The following NPSR1 variants were observed in gnomAD, a reference collection of about 807,000 sequenced individuals.
NPSR1 encodes neuropeptide S receptor 1.
Under a neutral mutation model 46.9 loss-of-function variants are expected in NPSR1, and 48 were observed. The observed-to-expected ratio is 1.02, with a 90% CI of 0.81 to 1.30. The LOEUF (loss-of-function observed/expected upper bound fraction) is 1.30, where lower values mean the gene tolerates loss of function less well. NPSR1 is among the 50% of genes most tolerant of loss of function. The pLI is 0.00. For missense variants in NPSR1, 450 were observed against 449.5 expected (o/e 1.00, Z -0.01); for synonymous variants, 176 against 168.1 (o/e 1.05, Z -0.36).
chr7:34,760,714 G>A (rs1786129628), intron 2 of NPSR1, among the ~76,000 whole-genome samples: 1 of 152,100 alleles, frequency 6.6e-6, no homozygotes, highest in Admixed American at 6.6e-5. Flanking sequence ...TAAAACTAAG[G>A]GCAAAACTGA....
chr7:34,666,400 T>A (rs1456865670), intron 1 of NPSR1, among the ~76,000 whole-genome samples: 5 of 152,144 alleles, frequency 3.3e-5, no homozygotes, highest in African/African-American at 1.2e-4. Flanking sequence ...GTAGCACAGT[T>A]TGGGAAGCTT....
intron 6 of NPSR1, among the ~76,000 whole-genome samples, chr7:34,844,215 C>T (rs989193325): frequency 3.3e-5 from 5 of 152,190 alleles, no homozygotes; most frequent in South Asian, 2.1e-4. Flanking sequence ...ACTAATGAGA[C>T]GTGGTTATTG....
chr7:34,855,164 A>G (rs1338179712), intron 8 of NPSR1, among the ~76,000 whole-genome samples: 4 of 152,180 alleles, frequency 2.6e-5, no homozygotes, highest in Non-Finnish European at 5.9e-5. Flanking sequence ...AGAAGGATTA[A>G]AAATCAATAA....
At chr7:34,870,723 A>C (rs1791431235) in intron 8 of NPSR1, among the ~76,000 whole-genome samples, 1 of 151,816 alleles carries the variant, frequency 6.6e-6, no homozygotes, top group African/African-American at 2.4e-5. Context: ...GACCACAATT[A>C]ATAAGCCCCC....
At chr7:34,751,067 CT>C in intron 2 of NPSR1, 1 of 785,322 alleles carries the variant, frequency 1.3e-6, no homozygotes, top group Non-Finnish European at 2.3e-6. Flanking sequence ...TCTCACTCAC[CT>C]GCCCCTTTAC....
chr7:34,698,858 T>G (rs1793675760), intron 2 of NPSR1, among the ~76,000 whole-genome samples: 1 of 152,150 alleles, frequency 6.6e-6, no homozygotes, highest in Admixed American at 6.5e-5. Context: ...TTGTTTTTAT[T>G]AGTATAATTT....
At chr7:34,766,565 T>C (rs1786441502) in intron 2 of NPSR1, among the ~76,000 whole-genome samples, 1 of 151,106 alleles carries the variant, frequency 6.6e-6, no homozygotes, top group Non-Finnish European at 1.5e-5. Context: ...TTCAAAGGCA[T>C]TATGATGAAT....
rs560883832 is a variant in NPSR1 at position 34,799,578 on chromosome 7, C to A, written c.385-12192C>A. On this transcript the variant is annotated intron_variant, in intron 3 of 8. Transcript: ENST00000360581. ...GCTCCTGAAGGAAGCACTAAACATG[C>A]AAAGGAACAACCGGTACCAGCCACT... Among the ~76,000 whole-genome samples, 594 of 149,960 alleles carry A rather than the reference C, an allele frequency of 4.0e-3. 2 individuals carry two copies. Among genetic ancestry groups the A allele is most frequent in the Non-Finnish European group, 7.4e-3 (499 of 67,534 alleles).
intron 6 of NPSR1, among the ~76,000 whole-genome samples, chr7:34,842,832 A>G (rs986692450): frequency 1.3e-5 from 2 of 152,254 alleles, no homozygotes; most frequent in Admixed American, 1.3e-4. Flanking sequence ...TCAGGAGTTC[A>G]GCCCAAGCTC....
At chr7:34,757,953 C>T (rs1300515641) in intron 2 of NPSR1, 1 of 152,716 alleles carries the variant, frequency 6.5e-6, no homozygotes, top group Non-Finnish European at 1.5e-5. Context: ...TTTCATTGCT[C>T]AGAGCCCCTC....
chr7:34,873,724 G>T (rs1562781843), intron 8 of NPSR1, among the ~76,000 whole-genome samples: 1 of 151,710 alleles, frequency 6.6e-6, no homozygotes, highest in East Asian at 1.9e-4. Context: ...AACATTGGGG[G>T]TTACATTTCA....
rs1410804427 is a variant in NPSR1, at chr7:34,684,641, G to A, written c.237G>A (p.Lys79=). 1 of 1,613,598 alleles carries A rather than the reference G, an allele frequency of 6.2e-7. No individual in the cohort carries two copies. Among genetic ancestry groups the A allele is most frequent in the Non-Finnish European group, 8.5e-7 (1 of 1,179,844 alleles). Residue 79 remains lysine (K), a synonymous_variant, in exon 2 of 9, where the codon AAG becomes AAA. Coordinates refer to ENST00000360581, the MANE Select transcript of NPSR1 (RefSeq NM_207172.2). ...TTTTTTCCACATGGAGGAGAAAGAA[G>A]AAGTCAAGAATGACCTTCTTTGTGA... ...VVLFSTWRRK[K]KSRMTFFVTQ...
intron 3 of NPSR1, 80 bp downstream of exon 3, chr7:34,778,645 A>T: frequency 1.1e-6 from 1 of 918,824 alleles, no homozygotes; most frequent in Non-Finnish European, 1.7e-6. Flanking sequence ...AAATCATATA[A>T]AACCTTGCAT....
intron 8 of NPSR1, among the ~76,000 whole-genome samples, chr7:34,867,030 T>G (rs1180017297): frequency 6.6e-6 from 1 of 151,638 alleles, no homozygotes. Flanking sequence ...CCTTCCACTG[T>G]GGGACATTGA....
At chr7:34,738,718 T>TGGTATGTTAGAAAAA (rs1784799993) in intron 2 of NPSR1, among the ~76,000 whole-genome samples, 1 of 152,232 alleles carries the variant, frequency 6.6e-6, no homozygotes, top group African/African-American at 2.4e-5. Context: ...ATTATTCTTT[T>TGGTATGTTAGAAAAA]TCTAACATCT....
chr7:34,658,452 G>T lies in NPSR1; in HGVS notation c.40G>T (p.Gly14Trp), dbSNP rs1385480995. 6.2e-7 allele frequency: 1 copy of T among 1,614,060 alleles called. No homozygotes were observed. The highest frequency in any genetic ancestry group is 1.3e-5 in the African/African-American group (1 of 74,928). ...NFTEGSFDSS[G>W]TGQTLDSSPV... ...CACAGAGGGCAGCTTCGATTCCAGTGGGACCGGGCAGACGCTGGATTCTTC... is the reference window on the plus strand; with the variant it reads ...CACAGAGGGCAGCTTCGATTCCAGTTGGACCGGGCAGACGCTGGATTCTTC... The change falls in exon 1 of 9, where the codon GGG becomes TGG. Residue 14 changes from glycine (G) to tryptophan (W), a missense_variant. By Grantham distance (184) the Gly-to-Trp change is radical (BLOSUM62 -2). Coordinates refer to ENST00000360581, the MANE Select transcript of NPSR1 (RefSeq NM_207172.2).
At chr7:34,846,614 TAAC>T (rs1790749654) in intron 7 of NPSR1, among the ~76,000 whole-genome samples, 1 of 152,042 alleles carries the variant, frequency 6.6e-6, no homozygotes, top group Admixed American at 6.5e-5. Flanking sequence ...CGTGACATAA[TAAC>T]AGCCACAATG....
At chr7:34,827,248 A>G (rs1789900580) in intron 4 of NPSR1, among the ~76,000 whole-genome samples, 153 bp from the exon 5 acceptor site, 1 of 152,198 alleles carries the variant, frequency 6.6e-6, no homozygotes, top group Non-Finnish European at 1.5e-5. Flanking sequence ...GAGATACTGT[A>G]TCCCTGTTTA....
chr7:34,672,706 C>T (rs1792119478), intron 1 of NPSR1, among the ~76,000 whole-genome samples: 1 of 152,176 alleles, frequency 6.6e-6, no homozygotes, highest in Admixed American at 6.5e-5. Flanking sequence ...AATCACTTTC[C>T]TGTACAGTCC....
Sources: allele counts gnomAD v4.1 joint callset (sites outside exome capture counted in the v4.1 genomes callset), GRCh38; gene constraint gnomAD v4.1.1; transcripts MANE v1.5; gene names NCBI Gene and HGNC (gene_info 2026-07-23, HGNC 2026-07-21).